Variants in DAAM1 observed in about 807,000 individuals in gnomAD.
DAAM1 encodes the protein dishevelled associated activator of morphogenesis 1.
Under a neutral mutation model 130.0 loss-of-function variants are expected in DAAM1, and 52 were observed. That is an observed-to-expected ratio of 0.40 (90% confidence interval 0.32 to 0.50). The LOEUF (loss-of-function observed/expected upper bound fraction) is 0.50, where lower values mean the gene tolerates loss of function less well. Ranked by LOEUF, DAAM1 falls within the 20% of genes least tolerant of loss-of-function variation. The pLI is 0.61. For missense variants in DAAM1, 1,134 were observed against 1,303.8 expected (o/e 0.87, Z 2.01); for synonymous variants, 452 against 444.5 (o/e 1.02, Z -0.21).
At chr14:59,268,248 T>G (rs777614711) in intron 2 of DAAM1, among the ~76,000 whole-genome samples, 7 of 152,232 alleles carry the variant, frequency 4.6e-5, no homozygotes, top group Non-Finnish European at 8.8e-5. Flanking sequence ...TCATCATTGA[T>G]GGACATTTGG....
At chr14:59,351,438 C>T (rs888679520) in intron 17 of DAAM1, among the ~76,000 whole-genome samples, 6 of 152,148 alleles carry the variant, frequency 3.9e-5, no homozygotes, top group Non-Finnish European at 7.3e-5. Flanking sequence ...TAAGGCCTTG[C>T]TACTCCCTGC....
At chr14:59,306,486 G>A (rs568239512) in intron 3 of DAAM1, among the ~76,000 whole-genome samples, 1 of 152,236 alleles carries the variant, frequency 6.6e-6, no homozygotes, top group South Asian at 2.1e-4. Context: ...CTTATGTTTA[G>A]CAGCATAGTA....
Position 59,324,446 on chromosome 14 carries a change from A to G in DAAM1, c.981A>G (p.Thr327=). The G allele has an allele frequency of 6.3e-7, 1 of 1,575,388 alleles. No individual in the cohort carries two copies. The highest frequency in any genetic ancestry group is 8.6e-7 in the Non-Finnish European group (1 of 1,159,622). ...IDKLREHENS[T]LDRHLDFFEM... ...AATTAAGGGAACACGAAAATTCAAC[A>G]TTAGATAGGTAAGTCAGACTATTAT... The change falls in exon 8 of 25, where the codon ACA becomes ACG. Residue 327 remains threonine, a synonymous_variant. Coordinates refer to ENST00000360909, the MANE Select transcript of DAAM1 (RefSeq NM_001270520.2).
chr14:59,301,472 G>A (rs927734557), intron 3 of DAAM1, among the ~76,000 whole-genome samples: 2 of 152,060 alleles, frequency 1.3e-5, no homozygotes, highest in Non-Finnish European at 2.9e-5. Context: ...ATCTAGACCT[G>A]TTTGCACCCT....
At chr14:59,319,643 G>A (rs1401113981) in intron 4 of DAAM1, among the ~76,000 whole-genome samples, 1 of 152,142 alleles carries the variant, frequency 6.6e-6, no homozygotes, top group African/African-American at 2.4e-5. Flanking sequence ...CATAAGACTT[G>A]GGGTACTTTA....
At chr14:59,198,587 C>T (rs780311047) in intron 1 of DAAM1, among the ~76,000 whole-genome samples, 6 of 152,152 alleles carry the variant, frequency 3.9e-5, no homozygotes, top group Non-Finnish European at 7.3e-5. Flanking sequence ...GGTGGAAATA[C>T]TTAACCTGCT....
chr14:59,294,584 C>G (rs984335654), intron 3 of DAAM1, among the ~76,000 whole-genome samples: 1 of 147,354 alleles, frequency 6.8e-6, no homozygotes, highest in Non-Finnish European at 1.5e-5. Flanking sequence ...TTTTTACTTT[C>G]ATGAAAGGTC....
chr14:59,319,362 C>CT (rs1445031694), intron 4 of DAAM1, among the ~76,000 whole-genome samples: 1 of 152,102 alleles, frequency 6.6e-6, no homozygotes, highest in East Asian at 1.9e-4. Flanking sequence ...TCATATTTAG[C>CT]TTTTAGTTAA....
intron 5 of DAAM1, among the ~76,000 whole-genome samples, chr14:59,322,168 T>C (rs1885036668): frequency 6.6e-6 from 1 of 152,064 alleles, no homozygotes; most frequent in Non-Finnish European, 1.5e-5. Context: ...TGACTTTCAT[T>C]GATAGGGTGT....
chr14:59,291,223 C>T lies in DAAM1; in HGVS notation c.190C>T (p.Leu64=), dbSNP rs368701491. ...TTATTTTCTTTCTTCTCAGGATGAA[C>T]TGGACCTCACAGACAAACACAGAGA... ...DVMFSELVDE[L]DLTDKHREAM... The change falls in exon 3 of 25, where the codon CTG becomes TTG. Residue 64 remains leucine (L), a synonymous_variant. Transcript: ENST00000360909. The T allele has an allele frequency of 5.0e-6, 8 of 1,608,866 alleles. No homozygotes were observed. The highest frequency in any genetic ancestry group is 6.8e-6 in the Non-Finnish European group (8 of 1,178,556).
chr14:59,227,803 G>A (rs758465232), intron 1 of DAAM1, among the ~76,000 whole-genome samples: 4 of 152,190 alleles, frequency 2.6e-5, no homozygotes, highest in Non-Finnish European at 5.9e-5. Context: ...GTCCAAATGT[G>A]TTTGAGTTCA....
In DAAM1 at chr14:59,326,530, G is replaced by T; in HGVS notation, c.1195G>T (p.Val399Phe). 2.5e-6 allele frequency: 4 copies of T among 1,609,064 alleles called. No homozygotes were observed. The highest frequency in any genetic ancestry group is 3.4e-6 in the Non-Finnish European group (4 of 1,177,920). ...TTTAGACAAGAGGAGTGGCAACACT[G>T]TTCAGTACTGGCTACTACTAGATAG... Reference protein sequence around the residue: ...QMPYKRSGNTVQYWLLLDRII... With the variant: ...QMPYKRSGNTFQYWLLLDRII... Residue 399 changes from valine (V) to phenylalanine (F), a missense_variant, in exon 11 of 25, where the codon GTT becomes TTT. By Grantham distance (50) the Val-to-Phe change is conservative (BLOSUM62 -1). Transcript: ENST00000360909.
intron 6 of DAAM1, among the ~76,000 whole-genome samples, chr14:59,323,461 C>G (rs1329609419): frequency 6.6e-6 from 1 of 152,158 alleles, no homozygotes; most frequent in Non-Finnish European, 1.5e-5. Flanking sequence ...TGTGGTCTTG[C>G]ATCCTATATG....
In DAAM1 at chr14:59,340,060, CATGCTCTTTACAGAAAGAAGCAG is replaced by C. The variant is rs1434076748; in HGVS notation, c.1969-9_1982del. ...CTGTTGGACTTTGATGGATTTCTTT[CATGCTCTTTACAGAAAGAAGCAG>C]ATGCCATTGATGACACTCTGAGTTC... On this transcript the variant is annotated splice_acceptor_variant and splice_polypyrimidine_tract_variant and coding_sequence_variant and intron_variant, in exon 16 of 25. Transcript: ENST00000360909. LOFTEE classifies it high-confidence loss of function. 1 of 1,610,374 alleles carries C rather than the reference CATGCTCTTTACAGAAAGAAGCAG, an allele frequency of 6.2e-7. No individual in the cohort carries two copies. The highest frequency in any genetic ancestry group is 1.3e-5 in the African/African-American group (1 of 74,854).
chr14:59,337,158 A>G (rs1005905908), intron 15 of DAAM1, among the ~76,000 whole-genome samples: 2 of 152,310 alleles, frequency 1.3e-5, no homozygotes, highest in East Asian at 3.9e-4. Context: ...TAAGAGAAAA[A>G]AAATAGGTTA....
chr14:59,289,894 T>C (rs928523495), intron 2 of DAAM1, among the ~76,000 whole-genome samples: 4 of 151,570 alleles, frequency 2.6e-5, no homozygotes, highest in African/African-American at 9.7e-5. Context: ...GAAAACGAAA[T>C]ATCGCATGTT....
At chr14:59,202,399 A>G (rs775876014) in intron 1 of DAAM1, among the ~76,000 whole-genome samples, 5 of 152,260 alleles carry the variant, frequency 3.3e-5, no homozygotes, top group Non-Finnish European at 7.3e-5. Flanking sequence ...GGCTTCTAGC[A>G]AGCATAGCAG....
At position 59,244,599 on chromosome 14, in the gene DAAM1, A is replaced by G. The variant is rs1461740531; in HGVS notation, c.-37-18842A>G. 1.3e-5 allele frequency among the ~76,000 whole-genome samples: 2 copies of G among 152,218 alleles called. 1 individual carries two copies. The highest frequency in any genetic ancestry group is 3.8e-4 in the East Asian group (2 of 5,202). On this transcript the variant is annotated intron_variant, in intron 1 of 24. Coordinates refer to ENST00000360909, the MANE Select transcript of DAAM1 (RefSeq NM_001270520.2). The stretch of plus-strand genomic sequence containing the variant: ...ATGAATGAATGGAAATATACAAATT[A>G]GTACACACATGCAGAATTGTGAATC...
intron 10 of DAAM1, 151 bp downstream of exon 10, chr14:59,326,228 G>T: frequency 1.4e-6 from 1 of 737,320 alleles, no homozygotes; most frequent in South Asian, 2.1e-5. Flanking sequence ...TGTCTACATG[G>T]CTTAAAGGGT....
Sources: gnomAD v4.1 joint callset for allele counts (sites outside exome capture counted in the v4.1 genomes callset) on GRCh38, gnomAD v4.1.1 for gene constraint, MANE v1.5 for transcripts, NCBI Gene and HGNC (gene_info 2026-07-23, HGNC 2026-07-21) for gene names.